Variants in MRTFA observed in about 807,000 individuals in gnomAD.
MRTFA encodes myocardin-related transcription factor A.
A neutral mutation model predicts 83.5 loss-of-function variants in MRTFA; 20 were observed. The ratio of observed to expected loss-of-function variants is 0.24; its 90% CI spans 0.17 to 0.35. MRTFA has a LOEUF of 0.35. Ranked by LOEUF, MRTFA falls within the 10% of genes least tolerant of loss-of-function variation. The pLI is 1.00. For missense variants in MRTFA, 1,200 were observed against 1,224.7 expected, an observed-to-expected ratio of 0.98 and a Z score of 0.30; for synonymous variants, 659 against 541.2, an observed-to-expected ratio of 1.22 and a Z score of -3.02.
At chr22:40,562,845 A>C (rs1444253488) in intron 2 of MRTFA, among the ~76,000 whole-genome samples, 1 of 152,048 alleles carries the variant, frequency 6.6e-6, no homozygotes, top group African/African-American at 2.4e-5. Flanking sequence ...AGTAAGATGC[A>C]GGGTAGACTT....
intron 13 of MRTFA, 63 bp from the exon 14 acceptor site, chr22:40,417,109 C>T: frequency 6.6e-7 from 1 of 1,520,156 alleles, no homozygotes; most frequent in Non-Finnish European, 8.9e-7. Context: ...CCAGCCCGAA[C>T]TACGAATGAG....
At chr22:40,608,424 T>C (rs2147407838) in intron 1 of MRTFA, among the ~76,000 whole-genome samples, 1 of 152,324 alleles carries the variant, frequency 6.6e-6, no homozygotes, top group East Asian at 1.9e-4. Context: ...TGAAAAATTT[T>C]AAACTTCAAG....
At chr22:40,569,715 TAATACATA>T (rs1378657782) in intron 2 of MRTFA, 1 of 140,304 alleles carries the variant, frequency 7.1e-6, no homozygotes, top group Non-Finnish European at 1.5e-5. Context: ...ACTCCATAAT[TAATACATA>T]CATACATACA....
At chr22:40,447,564 G>A (rs1395582142) in intron 4 of MRTFA, among the ~76,000 whole-genome samples, 2 of 152,044 alleles carry the variant, frequency 1.3e-5, no homozygotes, top group Non-Finnish European at 2.9e-5. Context: ...AGCCACACAG[G>A]ACCCTGTAAA....
chr22:40,563,313 A>G (rs958806551), intron 2 of MRTFA, among the ~76,000 whole-genome samples: 2 of 152,100 alleles, frequency 1.3e-5, no homozygotes, highest in Non-Finnish European at 2.9e-5. Flanking sequence ...TACTTTTACT[A>G]TTATCATGGA....
rs1351314554 is a variant in MRTFA at position 40,459,538 on chromosome 22, G to A, written c.307+3683C>T. Among the ~76,000 whole-genome samples, 3 of 151,956 alleles carry A rather than the reference G, an allele frequency of 2.0e-5. No individual in the cohort carries two copies. The East Asian group carries it at 5.8e-4, about 29-fold the overall frequency. ...ATTATTCTCACTTCACAGACACAGA[G>A]AACAACCCAAAGTATACAATTAGAT... On this transcript the variant is annotated intron_variant, in intron 4 of 14. Transcript: ENST00000355630.
intron 1 of MRTFA, among the ~76,000 whole-genome samples, chr22:40,616,400 TGGA>T (rs1040083127): frequency 6.6e-6 from 1 of 152,154 alleles, no homozygotes; most frequent in Non-Finnish European, 1.5e-5. Flanking sequence ...GGCTTCAGTG[TGGA>T]GAATTGACTG....
intron 4 of MRTFA, among the ~76,000 whole-genome samples, chr22:40,460,606 A>ACTTTGTCTACAAAGTAGACAAAGT (rs2053693752): frequency 6.6e-6 from 1 of 152,172 alleles, no homozygotes; most frequent in African/African-American, 2.4e-5. Flanking sequence ...AGTAGACACT[A>ACTTTGTCTACAAAGTAGACAAAGT]AGTATATGAT....
chr22:40,484,411 C>T (rs771722353), intron 3 of MRTFA, among the ~76,000 whole-genome samples: 3 of 152,042 alleles, frequency 2.0e-5, no homozygotes, highest in Non-Finnish European at 4.4e-5. Context: ...AAAGGAGAAG[C>T]CAGATCATTA....
Position 40,459,782 on chromosome 22 carries a change from TACACACACACACACAC to T in MRTFA, c.307+3423_307+3438del, listed in dbSNP as rs745698441. Among the ~76,000 whole-genome samples, 83 of 88,930 alleles carry T rather than the reference TACACACACACACACAC, an allele frequency of 9.3e-4. No individual in the cohort carries two copies. In the South Asian group the frequency reaches 0.016, roughly 17 times the overall value. 58.3% of individuals were successfully genotyped at this position (88,930 alleles called of 152,430 possible). A position where few individuals can be genotyped will look rare whatever the true frequency, so the allele number is the denominator to read the frequency against. On this transcript the variant is annotated intron_variant, in intron 4 of 14. Transcript: ENST00000355630. ...CACTGGGGACGGGACTGATAAAATA[TACACACACACACACAC>T]ACACACACACACACACACACACACA...
At chr22:40,449,563 C>CT (rs762375087) in intron 4 of MRTFA, among the ~76,000 whole-genome samples, 1 of 152,142 alleles carries the variant, frequency 6.6e-6, no homozygotes, top group Non-Finnish European at 1.5e-5. Flanking sequence ...TTGGGTAATG[C>CT]TAAAGCCACT....
rs146843908 is a variant in MRTFA, at chr22:40,425,669, G to A, written c.602-1288C>T. ...ACACAGAACAGGGCTTGCTGACCATGTGTACTTCATGCCAGACACACGGCT... is the reference window on the plus strand; with the variant it reads ...ACACAGAACAGGGCTTGCTGACCATATGTACTTCATGCCAGACACACGGCT... On this transcript the variant is annotated intron_variant, in intron 7 of 14. Coordinates refer to ENST00000355630, the MANE Select transcript of MRTFA (RefSeq NM_020831.6). Among the ~76,000 whole-genome samples, 171 of 152,338 alleles carry A rather than the reference G, an allele frequency of 1.1e-3. 2 individuals are homozygous for A. The highest frequency in any genetic ancestry group is 0.01 in the Middle Eastern group (3 of 294).
chr22:40,413,918 T>C (rs761828723), intron 14 of MRTFA, among the ~76,000 whole-genome samples: 12 of 152,070 alleles, frequency 7.9e-5, no homozygotes, highest in Non-Finnish European at 8.8e-5. Flanking sequence ...TATCAAAAAA[T>C]TGAAAATAAG....
chr22:40,457,473 AGAAAGAAAGAAAGAAG>A (rs749004414), intron 4 of MRTFA, among the ~76,000 whole-genome samples: 1,600 of 143,678 alleles, frequency 0.011, 28 homozygotes, highest in East Asian at 0.035. Flanking sequence ...AAAGAAAGAA[AGAAAGAAAGAAAGAAG>A]GAAAGAAAGA....
chr22:40,592,821 A>G (rs2056141049), intron 2 of MRTFA, among the ~76,000 whole-genome samples: 1 of 152,266 alleles, frequency 6.6e-6, no homozygotes, highest in South Asian at 2.1e-4. Context: ...CATAATGACA[A>G]GAGTCAATTC....
chr22:40,589,080 A>G (rs2056076563), intron 2 of MRTFA, among the ~76,000 whole-genome samples: 1 of 152,228 alleles, frequency 6.6e-6, no homozygotes, highest in South Asian at 2.1e-4. Flanking sequence ...TCAAAGTAAT[A>G]TGCAGCAAAT....
At chr22:40,544,909 A>G (rs189942507) in intron 3 of MRTFA, among the ~76,000 whole-genome samples, 181 of 152,064 alleles carry the variant, frequency 1.2e-3, no homozygotes, top group Middle Eastern at 6.8e-3. Flanking sequence ...TAGGCAACAG[A>G]GCATGACACT....
At chr22:40,458,260 C>T (rs968340272) in intron 4 of MRTFA, among the ~76,000 whole-genome samples, 8 of 152,102 alleles carry the variant, frequency 5.3e-5, no homozygotes, top group South Asian at 2.1e-4. Flanking sequence ...AGTTAAGTGA[C>T]GTTAAATTTG....
intron 1 of MRTFA, among the ~76,000 whole-genome samples, chr22:40,620,322 CTA>C (rs1190040071): frequency 6.6e-6 from 1 of 151,158 alleles, no homozygotes; most frequent in Non-Finnish European, 1.5e-5. Flanking sequence ...TGGGGTTTCT[CTA>C]TGTTGGTCAG....
Sources: gnomAD v4.1 joint callset for allele counts (sites outside exome capture counted in the v4.1 genomes callset) on GRCh38, gnomAD v4.1.1 for gene constraint, MANE v1.5 for transcripts, NCBI Gene and HGNC (gene_info 2026-07-23, HGNC 2026-07-21) for gene names.